Variants in ANGPT1 observed in about 807,000 individuals in gnomAD.
ANGPT1 encodes the protein angiopoietin-1.
Under a neutral mutation model 62.2 loss-of-function variants are expected in ANGPT1, and 17 were observed. That is an observed-to-expected ratio of 0.27 (90% CI 0.19 to 0.41). ANGPT1 has a LOEUF of 0.41. Ranked by LOEUF, ANGPT1 falls within the 10% of genes least tolerant of loss-of-function variation. The probability of loss-of-function intolerance (pLI) is 1.00; values close to 1 mark genes in which losing one functional copy is unlikely to be tolerated. For missense variants in ANGPT1, 478 were observed against 594.9 expected, an observed-to-expected ratio of 0.80 and a Z score of 2.04; for synonymous variants, 199 against 198.9, an observed-to-expected ratio of 1.00 and a Z score of 0.00.
chr8:107,473,046 C>T (rs1812403836), intron 1 of ANGPT1, among the ~76,000 whole-genome samples: 1 of 152,002 alleles, frequency 6.6e-6, no homozygotes, highest in Non-Finnish European at 1.5e-5. Context: ...GTGAATAAGA[C>T]TTCATGACAT....
chr8:107,374,381 T>C (rs1467692379), intron 1 of ANGPT1, among the ~76,000 whole-genome samples: 2 of 152,222 alleles, frequency 1.3e-5, no homozygotes, highest in African/African-American at 4.8e-5. Flanking sequence ...TGAGGAAATA[T>C]ACCTTAAAAG....
In ANGPT1 at chr8:107,497,568, A is replaced by G; in HGVS notation, c.-10T>C. The G allele has an allele frequency of 6.2e-7, 1 of 1,610,770 alleles. No homozygotes were observed. Among genetic ancestry groups the G allele is most frequent in the Non-Finnish European group, 8.5e-7 (1 of 1,177,784 alleles). On this transcript the variant is annotated 5_prime_UTR_variant, in exon 1 of 9. Coordinates refer to ENST00000517746, the MANE Select transcript of ANGPT1 (RefSeq NM_001146.5). ...AAAGGAAAACTGTCATTGTACTGCCAGCACACTCCTTCCGTGCCTCTCGCA... is the reference window on the plus strand; with the variant it reads ...AAAGGAAAACTGTCATTGTACTGCCGGCACACTCCTTCCGTGCCTCTCGCA...
chr8:107,401,199 AC>A lies in ANGPT1; in HGVS notation c.298-54103del, dbSNP rs1251017464. ...TATTGTCAGTACTTCTTATTCATAC[AC>A]CATTTTTCTACCGTTTAGCACTTCA... On this transcript the variant is annotated intron_variant, in intron 1 of 8. Transcript: ENST00000517746. Among the ~76,000 whole-genome samples the A allele has an allele frequency of 5.3e-5, 8 of 151,994 alleles. No homozygotes were observed. The East Asian group carries it at 1.2e-3, about 22-fold the overall frequency.
rs969852427 is a variant in ANGPT1 at position 107,250,696 on chromosome 8, T to C, written c.*1159A>G. 6.6e-6 allele frequency: 1 copy of C among 152,140 alleles called. No homozygotes were observed. The highest frequency in any genetic ancestry group is 1.5e-5 in the Non-Finnish European group (1 of 68,004). 9.4% of individuals were successfully genotyped at this position (152,140 alleles called of 1,614,324 possible). ...TGTACAATGATATTTATAATTATTT[T>C]ATTTTTTATAGACTTCAAAGTGTTT... On this transcript the variant is annotated 3_prime_UTR_variant, in exon 9 of 9. Transcript: ENST00000517746.
At chr8:107,470,566 T>C (rs1812327355) in intron 1 of ANGPT1, among the ~76,000 whole-genome samples, 2 of 152,130 alleles carry the variant, frequency 1.3e-5, no homozygotes, top group Admixed American at 6.6e-5. Flanking sequence ...AAAACTTTTC[T>C]CCCATTCAGT....
At chr8:107,491,117 G>T (rs1455049756) in intron 1 of ANGPT1, among the ~76,000 whole-genome samples, 1 of 151,754 alleles carries the variant, frequency 6.6e-6, no homozygotes, top group African/African-American at 2.4e-5. Flanking sequence ...TGTAAGCATT[G>T]TGCTAGAAAA....
At chr8:107,307,226 C>T (rs1171916874) in intron 4 of ANGPT1, among the ~76,000 whole-genome samples, 3 of 151,998 alleles carry the variant, frequency 2.0e-5, no homozygotes, top group African/African-American at 4.8e-5. Context: ...AGCCTCGATC[C>T]CAGAGTCAGG....
intron 1 of ANGPT1, among the ~76,000 whole-genome samples, chr8:107,366,201 A>C (rs978749871): frequency 3.3e-5 from 5 of 152,290 alleles, no homozygotes; most frequent in Non-Finnish European, 5.9e-5. Flanking sequence ...CCTCAAACCA[A>C]CCATCAGAGA....
intron 4 of ANGPT1, among the ~76,000 whole-genome samples, chr8:107,306,475 T>G (rs954124705): frequency 4.6e-5 from 7 of 152,156 alleles, no homozygotes; most frequent in Non-Finnish European, 8.8e-5. Context: ...TATGTCAACA[T>G]GTTGGTTATA....
At chr8:107,487,969 C>A (rs1812857228) in intron 1 of ANGPT1, among the ~76,000 whole-genome samples, 1 of 152,016 alleles carries the variant, frequency 6.6e-6, no homozygotes, top group South Asian at 2.1e-4. Flanking sequence ...CAATATGAGG[C>A]AATCATCAAA....
intron 1 of ANGPT1, among the ~76,000 whole-genome samples, chr8:107,457,884 T>C (rs1400088230): frequency 6.9e-6 from 1 of 144,326 alleles, no homozygotes; most frequent in African/African-American, 2.6e-5. Context: ...GGGAAAAAAA[T>C]ACCTATGAAA....
intron 1 of ANGPT1, among the ~76,000 whole-genome samples, chr8:107,405,034 T>C (rs1234806676): frequency 6.6e-6 from 1 of 152,058 alleles, no homozygotes; most frequent in Non-Finnish European, 1.5e-5. Context: ...GATGATTCCA[T>C]GTTATATCAG....
intron 1 of ANGPT1, among the ~76,000 whole-genome samples, chr8:107,397,619 T>G (rs919034236): frequency 2.6e-5 from 4 of 152,168 alleles, no homozygotes; most frequent in African/African-American, 9.7e-5. Context: ...CAGCTCTGCT[T>G]TCTTCTAACC....
intron 7 of ANGPT1, among the ~76,000 whole-genome samples, chr8:107,272,872 C>T (rs974078658): frequency 2.6e-4 from 33 of 129,220 alleles, no homozygotes; most frequent in African/African-American, 9.7e-4. Context: ...GTATTCCTTC[C>T]CTTTTTTAAG....
chr8:107,266,094 T>C (rs1813607684), intron 7 of ANGPT1, among the ~76,000 whole-genome samples: 1 of 152,168 alleles, frequency 6.6e-6, no homozygotes, highest in East Asian at 1.9e-4. Context: ...ATTTTAAAAC[T>C]CTGAGAGGCA....
At chr8:107,483,026 TAA>T (rs112238690) in intron 1 of ANGPT1, among the ~76,000 whole-genome samples, 6 of 151,548 alleles carry the variant, frequency 4.0e-5, no homozygotes, top group Admixed American at 3.9e-4. Context: ...TTTGAAACAT[TAA>T]AAAAAAACTT....
chr8:107,373,553 G>A (rs1232120332), intron 1 of ANGPT1, among the ~76,000 whole-genome samples: 1 of 152,102 alleles, frequency 6.6e-6, no homozygotes, highest in African/African-American at 2.4e-5. Flanking sequence ...AGTCCATGAG[G>A]GATCATTCAC....
intron 1 of ANGPT1, among the ~76,000 whole-genome samples, chr8:107,460,581 C>A (rs149968489): frequency 1.7e-3 from 266 of 152,230 alleles, no homozygotes; most frequent in African/African-American, 6.3e-3. Context: ...CTGTGTAAAT[C>A]CCTGCTGCAA....
intron 1 of ANGPT1, among the ~76,000 whole-genome samples, chr8:107,455,232 T>C (rs537086990): frequency 3.3e-5 from 5 of 152,210 alleles, no homozygotes; most frequent in African/African-American, 1.2e-4. Flanking sequence ...CTCAAAAATG[T>C]AGACAACTGT....
Sources: allele counts gnomAD v4.1 joint callset (sites outside exome capture counted in the v4.1 genomes callset), GRCh38; gene constraint gnomAD v4.1.1; transcripts MANE v1.5; gene names NCBI Gene and HGNC (gene_info 2026-07-23, HGNC 2026-07-21).